The following MSMP variants were observed in gnomAD, a reference collection of about 807,000 sequenced individuals.
MSMP encodes the protein microseminoprotein, prostate associated, also known as prostate-associated microseminoprotein.
In MSMP, 9 loss-of-function variants were observed where a neutral mutation model predicts 15.8. The ratio of observed to expected loss-of-function variants is 0.57; its 90% CI spans 0.34 to 0.99. The LOEUF (loss-of-function observed/expected upper bound fraction) is 0.99, where lower values mean the gene tolerates loss of function less well. Among genes scored for constraint, MSMP ranks in the 50% least tolerant of loss-of-function variants. The probability of loss-of-function intolerance (pLI) is 0.02; values close to 1 mark genes in which losing one functional copy is unlikely to be tolerated. For synonymous variants in MSMP, 64 were observed against 64.4 expected, an observed-to-expected ratio of 0.99 and a Z score of 0.03; for missense variants, 170 against 173.4, an observed-to-expected ratio of 0.98 and a Z score of 0.11.
chr9:35,753,148 G>A lies in MSMP; in HGVS notation c.372C>T (p.Gly124=). The change falls in exon 3 of 3, where the codon GGC becomes GGT. Residue 124 remains glycine, a synonymous_variant. Transcript: ENST00000436428. The surrounding 1 kb of genome is among the most constrained non-coding windows in gnomAD (Gnocchi z 4.2). ...CCCCAGGAACAGGGGTGTTGGCTGA[G>A]CCCCATTCTGGGTCAGGCCCTCCCC... ...CKGGGPDPEW[G]SANTPVPGAP... The A allele has an allele frequency of 6.2e-7, 1 of 1,614,212 alleles. No homozygotes were observed. Among genetic ancestry groups the A allele is most frequent in the Non-Finnish European group, 8.5e-7 (1 of 1,180,036 alleles).
chr9:35,754,143 C>A lies in MSMP; in HGVS notation c.-14G>T. 1 of 1,605,226 alleles carries A rather than the reference C, an allele frequency of 6.2e-7. No individual in the cohort carries two copies. The highest frequency in any genetic ancestry group is 8.5e-7 in the Non-Finnish European group (1 of 1,174,738). On this transcript the variant is annotated 5_prime_UTR_variant, in exon 1 of 3. Coordinates refer to ENST00000436428, the MANE Select transcript of MSMP (RefSeq NM_001044264.3). ...CCTTAGGGCCATTGCTGCTGCACAGCCCTCTCAGACCCTTCTTGGCCTCTG... is the reference window on the plus strand; with the variant it reads ...CCTTAGGGCCATTGCTGCTGCACAGACCTCTCAGACCCTTCTTGGCCTCTG...
chr9:35,753,249 A>AC lies in MSMP; in HGVS notation c.270dup (p.Cys91ValfsTer2). The AC allele has an allele frequency of 6.2e-7, 1 of 1,614,062 alleles. No individual in the cohort carries two copies. Among genetic ancestry groups the AC allele is most frequent in the Non-Finnish European group, 8.5e-7 (1 of 1,180,012 alleles). ...GTTCCTGCCTCCTGACGTACCTCAC[A>AC]CCCAGCCGGGAAGTCGATGGGATGC... On this transcript the variant is annotated frameshift_variant, in exon 3 of 3. Transcript: ENST00000436428. LOFTEE classifies it high-confidence loss of function. The surrounding 1 kb of genome is among the most constrained non-coding windows in gnomAD (Gnocchi z 4.2).
Position 35,753,929 on chromosome 9 carries a change from A to ATCTGTAAGGCCCCATCCTCCCTGTGCCC in MSMP, c.130+43_130+70dup, listed in dbSNP as rs1383087786. On this transcript the variant is annotated intron_variant, in intron 1 of 2. Transcript: ENST00000436428. The surrounding 1 kb of genome is among the most constrained non-coding windows in gnomAD (Gnocchi z 4.2). ...AGCCTGGGTATTTTGACACGGGATC[A>ATCTGTAAGGCCCCATCCTCCCTGTGCCC]TCTGTAAGGCCCCATCCTCCCTGTG... The ATCTGTAAGGCCCCATCCTCCCTGTGCCC allele has an allele frequency of 6.4e-7, 1 of 1,566,426 alleles. No homozygotes were observed. The highest frequency in any genetic ancestry group is 8.7e-7 in the Non-Finnish European group (1 of 1,152,826).
chr9:35,753,168 CT>C lies in MSMP; in HGVS notation c.351del (p.Pro119LeufsTer25). The C allele has an allele frequency of 6.2e-7, 1 of 1,614,218 alleles. No individual in the cohort carries two copies. The highest frequency in any genetic ancestry group is 8.5e-7 in the Non-Finnish European group (1 of 1,180,038). ...KSDPRLPCKG[G>X]GPDPEWGSAN... is the part of the protein sequence containing the mutation. ...GCTGAGCCCCATTCTGGGTCAGGCCCTCCCCCTTTGCAGGGCAGCCGAGGGT... is the reference window on the plus strand; with the variant it reads ...GCTGAGCCCCATTCTGGGTCAGGCCCCCCCCTTTGCAGGGCAGCCGAGGGT... On this transcript the variant is annotated frameshift_variant, in exon 3 of 3. Transcript: ENST00000436428. LOFTEE classifies it high-confidence loss of function. The surrounding 1 kb of genome is among the most constrained non-coding windows in gnomAD (Gnocchi z 4.2).
At position 35,753,089 on chromosome 9, in the gene MSMP, A is replaced by G; in HGVS notation, c.*11T>C. 1 of 1,612,276 alleles carries G rather than the reference A, an allele frequency of 6.2e-7. No homozygotes were observed. Among genetic ancestry groups the G allele is most frequent in the Non-Finnish European group, 8.5e-7 (1 of 1,178,560 alleles). The stretch of plus-strand genomic sequence containing the variant: ...GCAGTGAGCAGTCAGCAGATGGATG[A>G]TCAGTTGAGTTTAGCTGGAGTGGGG... On this transcript the variant is annotated 3_prime_UTR_variant, in exon 3 of 3. Transcript: ENST00000436428. The surrounding 1 kb of genome is among the most constrained non-coding windows in gnomAD (Gnocchi z 4.2).
Position 35,753,132 on chromosome 9 carries a change from C to T in MSMP, c.388G>A (p.Val130Ile), listed in dbSNP as rs1563974359. Residue 130 changes from valine (V) to isoleucine (I), a missense_variant, in exon 3 of 3, where the codon GTT becomes ATT. Physicochemically the swap from Val to Ile is conservative, Grantham distance 29. Coordinates refer to ENST00000436428, the MANE Select transcript of MSMP (RefSeq NM_001044264.3). This position sits in a 1 kb window ranked among gnomAD's most constrained non-coding sequence, Gnocchi z 4.2. ...DPEWGSANTP[V>I]PGAPAPHSS ...GAGTGGGGAGCAGGAGCCCCAGGAA[C>T]AGGGGTGTTGGCTGAGCCCCATTCT... 9 of 1,614,194 alleles carry T rather than the reference C, an allele frequency of 5.6e-6. No individual in the cohort carries two copies. Among genetic ancestry groups the T allele is most frequent in the East Asian group, 2.2e-5 (1 of 44,888 alleles).
In MSMP at chr9:35,753,058, G is replaced by A. The variant is rs1173834626; in HGVS notation, c.*42C>T. The stretch of plus-strand genomic sequence containing the variant: ...GCTGCTAGTGGTTTCCCTGGAAGTG[G>A]CAGCAGCAGTGAGCAGTCAGCAGAT... On this transcript the variant is annotated 3_prime_UTR_variant, in exon 3 of 3. Transcript: ENST00000436428. This position sits in a 1 kb window ranked among gnomAD's most constrained non-coding sequence, Gnocchi z 4.2. 1.2e-6 allele frequency: 2 copies of A among 1,600,008 alleles called. No homozygotes were observed. The highest frequency in any genetic ancestry group is 1.7e-6 in the Non-Finnish European group (2 of 1,170,042).
At position 35,754,013 on chromosome 9, in the gene MSMP, G is replaced by T. The variant is rs1401974682; in HGVS notation, c.117C>A (p.Tyr39Ter). ...LQHPGVYSKC[Y>*]FQAQAPCHYE... Reference sequence around the variant, plus strand: ...ACCCCACTTTACCTTGAGCTTGGAAGTAGCACTTGCTGTAGACTCCTGGGT... The same window carrying T: ...ACCCCACTTTACCTTGAGCTTGGAATTAGCACTTGCTGTAGACTCCTGGGT... Residue 39 changes from tyrosine to a stop codon, truncating the protein, a stop_gained, in exon 1 of 3, where the codon TAC becomes TAA. Coordinates refer to ENST00000436428, the MANE Select transcript of MSMP (RefSeq NM_001044264.3). LOFTEE classifies it high-confidence loss of function. The T allele has an allele frequency of 3.7e-6, 6 of 1,613,288 alleles. No homozygotes were observed. Among genetic ancestry groups the T allele is most frequent in the African/African-American group, 1.3e-5 (1 of 74,878 alleles).
Position 35,753,988 on chromosome 9 carries a change from A to G in MSMP, c.130+12T>C, listed in dbSNP as rs778270871. On this transcript the variant is annotated intron_variant, in intron 1 of 2. Coordinates refer to ENST00000436428, the MANE Select transcript of MSMP (RefSeq NM_001044264.3). This position sits in a 1 kb window ranked among gnomAD's most constrained non-coding sequence, Gnocchi z 4.2. ...GCTGCTCCTCCATTCCTAACGCTTC[A>G]CCCCACTTTACCTTGAGCTTGGAAG... 6 of 1,609,686 alleles carry G rather than the reference A, an allele frequency of 3.7e-6. No homozygotes were observed. In the Admixed American group the frequency reaches 1.0e-4, roughly 27 times the overall value.
rs1156364905 is a variant in MSMP at position 35,754,089 on chromosome 9, A to T, written c.41T>A (p.Ile14Asn). The T allele has an allele frequency of 2.5e-6, 4 of 1,613,612 alleles. No individual in the cohort carries two copies. Among genetic ancestry groups the T allele is most frequent in the South Asian group, 2.2e-5 (2 of 91,074 alleles). Residue 14 changes from isoleucine (I) to asparagine (N), a missense_variant, in exon 1 of 3, where the codon ATC becomes AAC. Ile to Asn is a moderately radical substitution (Grantham distance 149). Coordinates refer to ENST00000436428, the MANE Select transcript of MSMP (RefSeq NM_001044264.3). ...RMLWAGQAKGILGGWGIICLV... is the reference protein window; with the variant it reads ...RMLWAGQAKGNLGGWGIICLV... Reference sequence around the variant, plus strand: ...GCAGATGATCCCCCAGCCTCCTAGGATCCCCTTGGCCTGTCCAGCCCAGAG... The same window carrying T: ...GCAGATGATCCCCCAGCCTCCTAGGTTCCCCTTGGCCTGTCCAGCCCAGAG...
At position 35,753,142 on chromosome 9, in the gene MSMP, G is replaced by A; in HGVS notation, c.378C>T (p.Ala126=). 6.2e-7 allele frequency: 1 copy of A among 1,614,204 alleles called. No individual in the cohort carries two copies. Among genetic ancestry groups the A allele is most frequent in the Non-Finnish European group, 8.5e-7 (1 of 1,180,024 alleles). The change falls in exon 3 of 3, where the codon GCC becomes GCT. Residue 126 remains alanine, a synonymous_variant. Coordinates refer to ENST00000436428, the MANE Select transcript of MSMP (RefSeq NM_001044264.3). This position sits in a 1 kb window ranked among gnomAD's most constrained non-coding sequence, Gnocchi z 4.2. ...CAGGAGCCCCAGGAACAGGGGTGTT[G>A]GCTGAGCCCCATTCTGGGTCAGGCC... ...GGGPDPEWGS[A]NTPVPGAPAP...
In MSMP at chr9:35,753,646, CT is replaced by C; in HGVS notation, c.239+13del. 1.2e-6 allele frequency: 2 copies of C among 1,605,006 alleles called. No homozygotes were observed. The highest frequency in any genetic ancestry group is 1.7e-6 in the Non-Finnish European group (2 of 1,172,184). On this transcript the variant is annotated intron_variant, in intron 2 of 2. Coordinates refer to ENST00000436428, the MANE Select transcript of MSMP (RefSeq NM_001044264.3). The surrounding 1 kb of genome is among the most constrained non-coding windows in gnomAD (Gnocchi z 4.2). The stretch of plus-strand genomic sequence containing the variant: ...TATCAGAGTCATTCTCTCTGGCCAT[CT>C]TTGGTCACTCACGTGTCACAGCAGC...
chr9:35,753,087 T>C lies in MSMP; in HGVS notation c.*13A>G. The C allele has an allele frequency of 6.2e-7, 1 of 1,611,616 alleles. No homozygotes were observed. The highest frequency in any genetic ancestry group is 1.3e-5 in the African/African-American group (1 of 75,008). On this transcript the variant is annotated 3_prime_UTR_variant, in exon 3 of 3. Coordinates refer to ENST00000436428, the MANE Select transcript of MSMP (RefSeq NM_001044264.3). This position sits in a 1 kb window ranked among gnomAD's most constrained non-coding sequence, Gnocchi z 4.2. ...CAGCAGTGAGCAGTCAGCAGATGGA[T>C]GATCAGTTGAGTTTAGCTGGAGTGG... is the stretch of plus-strand genomic sequence containing the variant.
Position 35,754,119 on chromosome 9 carries a change from C to G in MSMP, c.11G>C (p.Arg4Thr). 6.2e-7 allele frequency: 1 copy of G among 1,612,974 alleles called. No homozygotes were observed. The highest frequency in any genetic ancestry group is 8.5e-7 in the Non-Finnish European group (1 of 1,179,364). The stretch of plus-strand genomic sequence containing the variant: ...CTTGGCCTGTCCAGCCCAGAGCATC[C>G]TTAGGGCCATTGCTGCTGCACAGCC... MAL[R>T]MLWAGQAKGI... is the part of the protein sequence containing the mutation. The change falls in exon 1 of 3, where the codon AGG (arginine) becomes ACG (threonine). Residue 4 changes from arginine (R) to threonine (T), a missense_variant. Physicochemically the swap from Arg to Thr is moderately conservative, Grantham distance 71. Coordinates refer to ENST00000436428, the MANE Select transcript of MSMP (RefSeq NM_001044264.3).
At position 35,754,261 on chromosome 9, in the gene MSMP, C is replaced by T; in HGVS notation, c.-132G>A. 3.4e-6 allele frequency: 4 copies of T among 1,164,360 alleles called. No individual in the cohort carries two copies. The highest frequency in any genetic ancestry group is 2.6e-5 in the Admixed American group (1 of 37,974). 72.1% of individuals were successfully genotyped at this position (1,164,360 alleles called of 1,614,324 possible). A position where few individuals can be genotyped will look rare whatever the true frequency, so the allele number is the denominator to read the frequency against. ...TTCTCCCCTGGGCTCCTGTCTCACA[C>T]TATCTCCCTGCCCTCTGCTCTCACA... is the stretch of plus-strand genomic sequence containing the variant. On this transcript the variant is annotated 5_prime_UTR_variant, in exon 1 of 3. It adds an upstream start codon to the 5' untranslated region. Transcript: ENST00000436428.
In MSMP at chr9:35,753,579, C is replaced by T; in HGVS notation, c.239+81G>A. On this transcript the variant is annotated intron_variant, in intron 2 of 2. Transcript: ENST00000436428. This position sits in a 1 kb window ranked among gnomAD's most constrained non-coding sequence, Gnocchi z 4.2. ...ATTGCTCTTCTGTTCATTCTTACAT[C>T]ACAGCAATCTAGTCACTCCCTGGTC... 8.4e-7 allele frequency: 1 copy of T among 1,193,200 alleles called. No individual in the cohort carries two copies. The highest frequency in any genetic ancestry group is 1.2e-6 in the Non-Finnish European group (1 of 824,022). 73.9% of individuals were successfully genotyped at this position (1,193,200 alleles called of 1,614,324 possible). A position where few individuals can be genotyped will look rare whatever the true frequency, so the allele number is the denominator to read the frequency against.
At position 35,753,836 on chromosome 9, in the gene MSMP, G is replaced by A; in HGVS notation, c.131-68C>T. 1 of 1,538,232 alleles carries A rather than the reference G, an allele frequency of 6.5e-7. No individual in the cohort carries two copies. The highest frequency in any genetic ancestry group is 9.0e-7 in the Non-Finnish European group (1 of 1,115,604). On this transcript the variant is annotated intron_variant, in intron 1 of 2. Coordinates refer to ENST00000436428, the MANE Select transcript of MSMP (RefSeq NM_001044264.3). This position sits in a 1 kb window ranked among gnomAD's most constrained non-coding sequence, Gnocchi z 4.2. Reference sequence around the variant, plus strand: ...TGAGAGGCAGAGGCTCTTCTGGTCTGGGGTGGAGACAGTAAGTACGCACTA... The same window carrying A: ...TGAGAGGCAGAGGCTCTTCTGGTCTAGGGTGGAGACAGTAAGTACGCACTA...
chr9:35,754,021 T>TG lies in MSMP; in HGVS notation c.108dup (p.Lys37GlnfsTer13). ...TTACCTTGAGCTTGGAAGTAGCACT[T>TG]GCTGTAGACTCCTGGGTGCTGGAGG... On this transcript the variant is annotated frameshift_variant, in exon 1 of 3. Coordinates refer to ENST00000436428, the MANE Select transcript of MSMP (RefSeq NM_001044264.3). LOFTEE classifies it high-confidence loss of function. 1 of 1,613,614 alleles carries TG rather than the reference T, an allele frequency of 6.2e-7. No individual in the cohort carries two copies. Among genetic ancestry groups the TG allele is most frequent in the Non-Finnish European group, 8.5e-7 (1 of 1,179,704 alleles).
chr9:35,754,171 C>T lies in MSMP; in HGVS notation c.-42G>A. On this transcript the variant is annotated 5_prime_UTR_variant, in exon 1 of 3. Transcript: ENST00000436428. ...TCTCAGACCCTTCTTGGCCTCTGCT[C>T]AGCTACTCTGGTCTTGACTCCTTGA... 6.3e-7 allele frequency: 1 copy of T among 1,586,154 alleles called. No homozygotes were observed. The highest frequency in any genetic ancestry group is 8.6e-7 in the Non-Finnish European group (1 of 1,164,434).
Sources: gnomAD v4.1 joint callset for allele counts on GRCh38, gnomAD v4.1.1 for gene constraint, Gnocchi (gnomAD v3.1) non-coding constraint, MANE v1.5 for transcripts, NCBI Gene and HGNC (gene_info 2026-07-23, HGNC 2026-07-21) for gene names.